The following FGF13 variants were observed in gnomAD, a reference collection of about 807,000 sequenced individuals.
FGF13 encodes fibroblast growth factor 13, also known as fibroblast growth factor homologous factor 2.
Under a neutral mutation model 19.5 loss-of-function variants are expected in FGF13, and 2 were observed. That is an observed-to-expected ratio of 0.10 (90% confidence interval 0.04 to 0.32). The LOEUF (loss-of-function observed/expected upper bound fraction) is 0.32. FGF13 is among the 10% of genes least tolerant of loss of function. The probability of loss-of-function intolerance (pLI) is 1.00; values close to 1 mark genes in which losing one functional copy is unlikely to be tolerated. For synonymous variants in FGF13, 72 were observed against 76.9 expected, an observed-to-expected ratio of 0.94 and a Z score of 0.33; for missense variants, 113 against 192.7, an observed-to-expected ratio of 0.59 and a Z score of 2.45.
intron 3 of FGF13, among the ~76,000 whole-genome samples, chrX:138,778,861 G>C (rs2090613916): frequency 8.9e-6 from 1 of 112,604 alleles, no homozygotes; most frequent in Non-Finnish European, 1.9e-5. Context: ...ACCTCTGGGG[G>C]CAGGGCACAG....
chrX:139,135,636 G>C (rs1290139445), intron 1 of FGF13, among the ~76,000 whole-genome samples: 1 of 111,841 alleles, frequency 8.9e-6, no homozygotes, highest in African/African-American at 3.3e-5. Flanking sequence ...CACTAGGACA[G>C]TTACAGATTG....
At chrX:139,178,736 T>C (rs2084213546) in intron 1 of FGF13, among the ~76,000 whole-genome samples, 2 of 111,935 alleles carry the variant, frequency 1.8e-5, no homozygotes, top group African/African-American at 6.5e-5. Flanking sequence ...TTTCATGTGG[T>C]CTCAATCTGC....
intron 1 of FGF13, among the ~76,000 whole-genome samples, chrX:138,957,947 A>C (rs1279738901): frequency 8.9e-6 from 1 of 111,821 alleles, no homozygotes; most frequent in African/African-American, 3.3e-5. Flanking sequence ...GGGTTTTCTA[A>C]ATATCCAATC....
intron 3 of FGF13, among the ~76,000 whole-genome samples, chrX:138,793,263 C>T (rs2090755257): frequency 1.8e-5 from 2 of 111,900 alleles, no homozygotes; most frequent in South Asian, 7.5e-4. Flanking sequence ...TTAATTTAAG[C>T]CACCAGATTT....
intron 1 of FGF13, among the ~76,000 whole-genome samples, chrX:138,991,099 G>C: frequency 8.9e-6 from 1 of 112,132 alleles, no homozygotes. Flanking sequence ...AAGAGGAAAA[G>C]ATAATAGAGC....
intron 1 of FGF13, among the ~76,000 whole-genome samples, chrX:138,944,773 T>C (rs1196230471): frequency 9.0e-6 from 1 of 111,521 alleles, no homozygotes; most frequent in Non-Finnish European, 1.9e-5. Context: ...AAAAGCAGGT[T>C]CTGTATTGCC....
chrX:138,896,107 T>C (rs896672536), intron 1 of FGF13, among the ~76,000 whole-genome samples: 23 of 111,964 alleles, frequency 2.1e-4, no homozygotes, highest in African/African-American at 6.5e-4. Flanking sequence ...CTGACTATAA[T>C]AATAATGTAG....
chrX:138,891,014 G>T (rs1238556569), intron 1 of FGF13, among the ~76,000 whole-genome samples: 1 of 112,087 alleles, frequency 8.9e-6, no homozygotes, highest in Non-Finnish European at 1.9e-5. Flanking sequence ...ATTTGTGGCC[G>T]GGAGCGGTGG....
intron 1 of FGF13, among the ~76,000 whole-genome samples, chrX:139,019,775 T>A (rs2092169374): frequency 9.1e-6 from 1 of 110,293 alleles, no homozygotes; most frequent in African/African-American, 3.3e-5. Context: ...TGTGTGTGCA[T>A]AAAATCCCAC....
At chrX:139,070,204 G>A (rs974322892) in intron 1 of FGF13, among the ~76,000 whole-genome samples, 1 of 111,483 alleles carries the variant, frequency 9.0e-6, no homozygotes, top group African/African-American at 3.3e-5. Flanking sequence ...AACCTACAAT[G>A]GGAGAAAAAA....
intron 1 of FGF13, among the ~76,000 whole-genome samples, chrX:139,074,991 C>T (rs989591683): frequency 1.8e-5 from 2 of 111,739 alleles, no homozygotes; most frequent in East Asian, 2.8e-4. Context: ...CAGTGAAGTT[C>T]GCTGATGCCC....
rs149414984 is a variant in FGF13 at position 138,994,307 on chromosome X, T to A, written c.-112-129657A>T. On this transcript the variant is annotated intron_variant, in intron 1 of 2. Transcript: ENST00000421460. ...TCTCTTCCTCTTCTTATGAGGGCAC[T>A]AATCACATCACAGGTGCCCCAACCT... Among the ~76,000 whole-genome samples the A allele has an allele frequency of 9.3e-3, 1,033 of 110,760 alleles. 10 individuals carry two copies. Among genetic ancestry groups the A allele is most frequent in the African/African-American group, 0.031 (957 of 30,394 alleles).
At chrX:138,744,535 T>G (rs970313832) in intron 3 of FGF13, among the ~76,000 whole-genome samples, 2 of 111,708 alleles carry the variant, frequency 1.8e-5, no homozygotes, top group Non-Finnish European at 3.8e-5. Context: ...TTAGTCCTCT[T>G]ACTTTACCCT....
chrX:138,812,233 T>C (rs774813343), intron 3 of FGF13, among the ~76,000 whole-genome samples: 1 of 112,104 alleles, frequency 8.9e-6, no homozygotes, highest in South Asian at 3.7e-4. Flanking sequence ...ATTTGCGGCA[T>C]GCATAATATT....
In FGF13 at chrX:138,923,389, G is replaced by A. The variant is rs191154976; in HGVS notation, c.-112-58739C>T. Among the ~76,000 whole-genome samples the A allele has an allele frequency of 2.6e-4, 29 of 112,002 alleles. 1 individual carries two copies. In the Admixed American group the frequency reaches 2.7e-3, roughly 10 times the overall value. The stretch of plus-strand genomic sequence containing the variant: ...TTTCAGCTCCACTAACTTACTAAAG[G>A]ATCAAACGGAATATATTTAACTATA... On this transcript the variant is annotated intron_variant, in intron 1 of 2. Coordinates refer to the FGF13 transcript ENST00000421460.
chrX:138,816,593 T>C (rs2090963178), intron 3 of FGF13, among the ~76,000 whole-genome samples: 1 of 112,626 alleles, frequency 8.9e-6, no homozygotes, highest in Non-Finnish European at 1.9e-5. Context: ...GTGACTTTTC[T>C]GGAAGTCTGA....
At chrX:139,078,307 G>A (rs1465182025) in intron 1 of FGF13, among the ~76,000 whole-genome samples, 21 of 110,425 alleles carry the variant, frequency 1.9e-4, no homozygotes, top group Non-Finnish European at 1.5e-4. Context: ...TCTGTTGCCA[G>A]CGGCTTGCCC....
intron 2 of FGF13, among the ~76,000 whole-genome samples, chrX:138,862,719 T>C (rs2091295294): frequency 8.9e-6 from 1 of 112,247 alleles, no homozygotes; most frequent in African/African-American, 3.2e-5. Context: ...TTAGCAGGTT[T>C]AAATGTGCAT....
intron 3 of FGF13, among the ~76,000 whole-genome samples, chrX:138,836,257 T>C (rs1005126630): frequency 3.6e-5 from 4 of 112,300 alleles, no homozygotes; most frequent in African/African-American, 1.3e-4. Flanking sequence ...GAAGTTCTCA[T>C]GGATGATATC....
Sources: allele counts gnomAD v4.1 joint callset (sites outside exome capture counted in the v4.1 genomes callset), GRCh38; gene constraint gnomAD v4.1.1; transcripts MANE v1.5; gene names NCBI Gene and HGNC (gene_info 2026-07-23, HGNC 2026-07-21).